SRGAP3: variants seen among roughly 807,000 people sequenced by gnomAD.
SRGAP3 encodes SLIT-ROBO Rho GTPase-activating protein 3.
In SRGAP3, 39 loss-of-function variants were observed where a neutral mutation model predicts 121.1. The ratio of observed to expected loss-of-function variants is 0.32; its 90% CI spans 0.25 to 0.42. The LOEUF is 0.42. Among genes scored for constraint, SRGAP3 ranks in the 10% least tolerant of loss-of-function variants. The pLI is 1.00. For synonymous variants in SRGAP3, 601 were observed against 570.0 expected, an observed-to-expected ratio of 1.05 and a Z score of -0.77; for missense variants, 1,213 against 1,470.6, an observed-to-expected ratio of 0.82 and a Z score of 2.86.
chr3:9,108,066 A>G (rs1427029576), intron 2 of SRGAP3, among the ~76,000 whole-genome samples: 1 of 152,136 alleles, frequency 6.6e-6, no homozygotes, highest in African/African-American at 2.4e-5. Context: ...TTAGTGGAGG[A>G]CTGTAGGACA....
intron 1 of SRGAP3, among the ~76,000 whole-genome samples, chr3:9,184,650 T>G (rs1951539375): frequency 6.6e-6 from 1 of 152,138 alleles, no homozygotes; most frequent in Admixed American, 6.5e-5. Context: ...GCAGAGCCAC[T>G]CGGAAGTTCC....
chr3:9,349,214 T>C, intron 1 of SRGAP3: 1 of 663,722 alleles, frequency 1.5e-6, no homozygotes, highest in Non-Finnish European at 2.8e-6. Context: ...CAGGCTACTG[T>C]CCCCAGGAGC....
At chr3:9,186,243 C>G (rs1284885244) in intron 1 of SRGAP3, among the ~76,000 whole-genome samples, 1 of 152,160 alleles carries the variant, frequency 6.6e-6, no homozygotes, top group Admixed American at 6.5e-5. Flanking sequence ...CTAACTTAAC[C>G]TCCAGGGAAG....
chr3:9,136,406 CCCG>C (rs1457361618), intron 1 of SRGAP3, among the ~76,000 whole-genome samples: 2 of 150,364 alleles, frequency 1.3e-5, no homozygotes, highest in Non-Finnish European at 3.0e-5. Context: ...CCCCCCCCCC[CCCG>C]ACCGCCCCGC....
chr3:9,061,987 A>C (rs1416227187), intron 5 of SRGAP3, among the ~76,000 whole-genome samples: 1 of 152,192 alleles, frequency 6.6e-6, no homozygotes, highest in Non-Finnish European at 1.5e-5. Flanking sequence ...ACACCTTCCT[A>C]TTCCACAGTG....
chr3:8,996,119 T>C (rs770649974), intron 18 of SRGAP3, among the ~76,000 whole-genome samples: 1 of 152,194 alleles, frequency 6.6e-6, no homozygotes, highest in Non-Finnish European at 1.5e-5. Flanking sequence ...ATCTGTTAAA[T>C]GGAAATGGTA....
At chr3:9,275,194 A>G (rs1397910176) in intron 3 of SRGAP3, among the ~76,000 whole-genome samples, 1 of 151,878 alleles carries the variant, frequency 6.6e-6, no homozygotes, top group Non-Finnish European at 1.5e-5. Flanking sequence ...AAAACTTCAT[A>G]AAACTTCCTT....
intron 5 of SRGAP3, among the ~76,000 whole-genome samples, chr3:9,064,140 C>T (rs1400284773): frequency 6.6e-6 from 1 of 152,192 alleles, no homozygotes; most frequent in East Asian, 1.9e-4. Context: ...GTGAGTTGAG[C>T]ACCTCGTCTG....
intron 3 of SRGAP3, among the ~76,000 whole-genome samples, chr3:9,262,698 C>T (rs1954279898): frequency 1.3e-5 from 2 of 152,078 alleles, no homozygotes; most frequent in Non-Finnish European, 2.9e-5. Flanking sequence ...GCACCCAATA[C>T]AGGAGAACCC....
chr3:9,112,926 C>T (rs1435261615), intron 2 of SRGAP3, among the ~76,000 whole-genome samples: 3 of 152,172 alleles, frequency 2.0e-5, no homozygotes, highest in Admixed American at 6.5e-5. Flanking sequence ...GTGAAAAGTG[C>T]CCCCTGAGCT....
intron 3 of SRGAP3, among the ~76,000 whole-genome samples, chr3:9,095,118 C>T (rs1947916349): frequency 6.6e-6 from 1 of 152,022 alleles, no homozygotes; most frequent in African/African-American, 2.4e-5. Context: ...TTATCACTTA[C>T]CTGTTTCTAC....
At chr3:9,194,094 G>A (rs1400364601) in intron 1 of SRGAP3, 1 of 152,230 alleles carries the variant, frequency 6.6e-6, no homozygotes, top group Non-Finnish European at 1.5e-5. Flanking sequence ...ATTCCACCCA[G>A]AAGAAAGAGA....
rs1955157544 is a variant in SRGAP3 at position 9,306,145 on chromosome 3, G to T, written n.442+19865C>A. On this transcript the variant is annotated intron_variant and non_coding_transcript_variant, in intron 3 of 3. Coordinates refer to the SRGAP3 transcript ENST00000490889. The stretch of plus-strand genomic sequence containing the variant: ...TGGCATCTCATTGTGGTTTTGATCT[G>T]CATTTCTCTGATGACCAGTGATGAC... Among the ~76,000 whole-genome samples the T allele has an allele frequency of 5.3e-5, 8 of 152,206 alleles. No individual in the cohort carries two copies. The South Asian group carries it at 1.7e-3, about 31-fold the overall frequency.
At chr3:9,147,659 G>C (rs1306164204) in intron 1 of SRGAP3, among the ~76,000 whole-genome samples, 2 of 152,180 alleles carry the variant, frequency 1.3e-5, no homozygotes, top group East Asian at 3.9e-4. Context: ...CATGAGAGAG[G>C]AAAGAAAAAT....
chr3:9,256,735 C>T lies in SRGAP3; in HGVS notation n.442+69275G>A, dbSNP rs1954140432. ...TGGTGAATTTGAGAGAGACTAAGTT[C>T]ACACATTAATCTTCTCTTTTCAGCT... is the stretch of plus-strand genomic sequence containing the variant. On this transcript the variant is annotated intron_variant and non_coding_transcript_variant, in intron 3 of 3. Coordinates refer to the SRGAP3 transcript ENST00000490889. 9 of 397,452 alleles carry T rather than the reference C, an allele frequency of 2.3e-5. No individual in the cohort carries two copies. The East Asian group carries it at 2.9e-4, about 13-fold the overall frequency. 24.6% of individuals were successfully genotyped at this position (397,452 alleles called of 1,614,324 possible).
chr3:9,105,058 C>T (rs187698019), intron 2 of SRGAP3, among the ~76,000 whole-genome samples: 132 of 152,358 alleles, frequency 8.7e-4, no homozygotes, highest in African/African-American at 3.0e-3. Flanking sequence ...AGGTCTTTGA[C>T]GCCTATGCGG....
chr3:9,097,971 TC>T (rs1300209714), intron 3 of SRGAP3, among the ~76,000 whole-genome samples: 1 of 152,114 alleles, frequency 6.6e-6, no homozygotes, highest in Non-Finnish European at 1.5e-5. Flanking sequence ...CCAAGTATCC[TC>T]CCTGATACAC....
At position 8,981,786 on chromosome 3, in the gene SRGAP3, C is replaced by T. The variant is rs186380398; in HGVS notation, c.*3733G>A. ...AATTTCCCTGTGTCTCTTCCCACTC[C>T]GATTTCTTCATTGAATAGAAACCTT... is the stretch of plus-strand genomic sequence containing the variant. On this transcript the variant is annotated 3_prime_UTR_variant, in exon 22 of 22. Transcript: ENST00000383836. The T allele has an allele frequency of 7.9e-5, 18 of 229,256 alleles. No individual in the cohort carries two copies. Among genetic ancestry groups the T allele is most frequent in the Admixed American group, 1.7e-4 (3 of 17,592 alleles). The allele number at this position is 229,256 out of a possible 1,614,324, so 14.2% of individuals were successfully genotyped here. A position where few individuals can be genotyped will look rare whatever the true frequency, so the allele number is the denominator to read the frequency against.
intron 19 of SRGAP3, among the ~76,000 whole-genome samples, 195 bp from the exon 20 acceptor site, chr3:8,993,250 C>A (rs1942176239): frequency 1.3e-5 from 2 of 152,240 alleles, no homozygotes. Context: ...TGGTCAGTTT[C>A]CGCAGCTGGG....
Sources: gnomAD v4.1 joint callset for allele counts (sites outside exome capture counted in the v4.1 genomes callset) on GRCh38, gnomAD v4.1.1 for gene constraint, MANE v1.5 for transcripts, NCBI Gene and HGNC (gene_info 2026-07-23, HGNC 2026-07-21) for gene names.